The following TMEM114 variants were observed in gnomAD, a reference collection of about 807,000 sequenced individuals.
The protein encoded by TMEM114 is claudin-26.
TMEM114 carries 6 observed loss-of-function variants against 6.2 expected under a neutral mutation model. That is an observed-to-expected ratio of 0.97 (90% confidence interval 0.53 to 1.91). The LOEUF is 1.91. TMEM114 is among the 40% of genes most tolerant of loss of function. The pLI, the probability that TMEM114 is intolerant of heterozygous loss-of-function variation, is 0.01. For missense variants in TMEM114, 218 were observed against 158.3 expected (o/e 1.38, Z -2.02); for synonymous variants, 104 against 73.0 (o/e 1.42, Z -2.16).
chr16:8,570,623 A>G (rs1295195303), intron 3 of TMEM114, among the ~76,000 whole-genome samples: 1 of 152,074 alleles, frequency 6.6e-6, no homozygotes. Flanking sequence ...TGTTTGTGTA[A>G]TTATTTAACT....
intron 2 of TMEM114, among the ~76,000 whole-genome samples, chr16:8,548,098 C>T (rs1278297149): frequency 1.3e-5 from 2 of 152,152 alleles, no homozygotes; most frequent in African/African-American, 2.4e-5. Flanking sequence ...AAGCAAGACC[C>T]TCTGAAAAGC....
At chr16:8,529,512 C>A in the TMEM114 span, among the ~76,000 whole-genome samples, 2 of 152,142 alleles carry the variant, frequency 1.3e-5, no homozygotes, top group Non-Finnish European at 2.9e-5. Flanking sequence ...GTCCTCAGAT[C>A]AGCAGCATCA....
Position 8,562,369 on chromosome 16 carries a change from T to C in TMEM114, n.213-24543A>G, listed in dbSNP as rs531031102. 5.3e-5 allele frequency among the ~76,000 whole-genome samples: 8 copies of C among 150,612 alleles called. No homozygotes were observed. In the South Asian group the frequency reaches 1.5e-3, roughly 28 times the overall value. On this transcript the variant is annotated intron_variant and non_coding_transcript_variant, in intron 2 of 2. Transcript: ENST00000623677. ...GTGAGTGAGTGAATTAGTGAGTGAA[T>C]GAATGAGTGAGTGAGGGAATGAGTG...
chr16:8,533,028 T>A (rs1033446894), downstream of TMEM114, among the ~76,000 whole-genome samples: 3 of 152,186 alleles, frequency 2.0e-5, no homozygotes, highest in African/African-American at 7.2e-5. Context: ...AGGGATATCA[T>A]GATGAACAAC....
At position 8,569,567 on chromosome 16, in the gene TMEM114, C is replaced by G. The variant is rs766222147; in HGVS notation, c.*206G>C. The G allele has an allele frequency of 4.2e-4, 591 of 1,420,564 alleles. 1 individual carries two copies. The highest frequency in any genetic ancestry group is 4.8e-4 in the Non-Finnish European group (525 of 1,090,696). 88.0% of individuals were successfully genotyped at this position (1,420,564 alleles called of 1,614,324 possible). On this transcript the variant is annotated 3_prime_UTR_variant, in exon 4 of 4. Transcript: ENST00000620492. ...CACTCCCTCGGGCTCCTCCAGGCCA[C>G]ACGGACACACACGGACATAAGCACA...
chr16:8,572,550 C>T (rs984893707), intron 2 of TMEM114, among the ~76,000 whole-genome samples: 1 of 152,214 alleles, frequency 6.6e-6, no homozygotes, highest in East Asian at 1.9e-4. Context: ...AACCTTTCAC[C>T]TAAGCTGCCC....
chr16:8,585,219 C>G (rs187238676), intron 2 of TMEM114, among the ~76,000 whole-genome samples: 1 of 152,282 alleles, frequency 6.6e-6, no homozygotes, highest in African/African-American at 2.4e-5. Context: ...ATTCAATTAC[C>G]TCCCACCAGA....
intron 2 of TMEM114, among the ~76,000 whole-genome samples, chr16:8,561,440 A>G (rs1230529497): frequency 6.6e-6 from 1 of 152,210 alleles, no homozygotes; most frequent in African/African-American, 2.4e-5. Context: ...ACTGTCTGTC[A>G]TACCCGTGCA....
downstream of TMEM114, chr16:8,537,514 C>A (rs1296812898): frequency 1.1e-4 from 16 of 151,910 alleles, no homozygotes; most frequent in Non-Finnish European, 2.2e-4. Context: ...AACAAACAAA[C>A]AAACAAAAAA....
intron 2 of TMEM114, among the ~76,000 whole-genome samples, chr16:8,542,592 A>G (rs1391738433): frequency 6.6e-6 from 1 of 152,160 alleles, no homozygotes; most frequent in Non-Finnish European, 1.5e-5. Flanking sequence ...TTGGCTTTAT[A>G]ACGTTCTAAA....
In TMEM114 at chr16:8,589,953, C is replaced by G; in HGVS notation, c.-115G>C. ...CTCCCAGCTCCACCGCCGCCAGAGC[C>G]GCGGAGCTCAGATCTGAAAGCCTTT... On this transcript the variant is annotated 5_prime_UTR_variant, in exon 1 of 4. Transcript: ENST00000620492. The G allele has an allele frequency of 2.6e-6, 1 of 387,430 alleles. No individual in the cohort carries two copies. The highest frequency in any genetic ancestry group is 4.5e-5 in the Admixed American group (1 of 22,324). The allele number at this position is 387,430 out of a possible 1,614,324, so 24.0% of individuals were successfully genotyped here. A position where few individuals can be genotyped will look rare whatever the true frequency, so the allele number is the denominator to read the frequency against.
intron 2 of TMEM114, among the ~76,000 whole-genome samples, chr16:8,539,135 G>A (rs897249863): frequency 6.6e-6 from 1 of 152,024 alleles, no homozygotes; most frequent in African/African-American, 2.4e-5. Context: ...CACAATCTGG[G>A]CATTGCCATG....
At chr16:8,544,445 A>T (rs756087437) in intron 2 of TMEM114, among the ~76,000 whole-genome samples, 1 of 152,176 alleles carries the variant, frequency 6.6e-6, no homozygotes, top group Non-Finnish European at 1.5e-5. Flanking sequence ...CAGGGTCTTA[A>T]TGGATATGTA....
downstream of TMEM114, among the ~76,000 whole-genome samples, chr16:8,536,405 G>A (rs1900361203): frequency 6.6e-6 from 1 of 152,042 alleles, no homozygotes; most frequent in Admixed American, 6.6e-5. Flanking sequence ...AACTTTGAGG[G>A]ACTGAACATC....
In TMEM114 at chr16:8,590,459, G is replaced by A. The variant is rs977478609; in HGVS notation, c.-621C>T. ...TCTTCCCGCAGCTCCTGCTCTGGCC[G>A]GGGCGCAGCTGACCCTCTGAGCCCT... is the stretch of plus-strand genomic sequence containing the variant. On this transcript the variant is annotated 5_prime_UTR_variant, in exon 1 of 4. Transcript: ENST00000620492. Among the ~76,000 whole-genome samples, 1 of 152,144 alleles carries A rather than the reference G, an allele frequency of 6.6e-6. No individual in the cohort carries two copies.
At chr16:8,551,527 C>T (rs1196493203) in intron 2 of TMEM114, among the ~76,000 whole-genome samples, 1 of 152,154 alleles carries the variant, frequency 6.6e-6, no homozygotes, top group Non-Finnish European at 1.5e-5. Flanking sequence ...CAGTTGGCCC[C>T]AAACTCAACT....
At chr16:8,530,528 A>G in the TMEM114 span, among the ~76,000 whole-genome samples, 1 of 151,934 alleles carries the variant, frequency 6.6e-6, no homozygotes, top group South Asian at 2.1e-4. Context: ...GAAAGGAAAG[A>G]AGGAGACAGG....
intron 2 of TMEM114, among the ~76,000 whole-genome samples, chr16:8,581,280 A>T (rs892588665): frequency 4.6e-5 from 7 of 152,218 alleles, no homozygotes; most frequent in African/African-American, 1.4e-4. Context: ...ACTAATATGC[A>T]TTAGTATATT....
intron 2 of TMEM114, among the ~76,000 whole-genome samples, chr16:8,540,964 A>G (rs1767380679): frequency 6.6e-6 from 1 of 152,194 alleles, no homozygotes; most frequent in Non-Finnish European, 1.5e-5. Flanking sequence ...CCTGTGGCAA[A>G]GACATACGCA....
Sources: allele counts gnomAD v4.1 joint callset (sites outside exome capture counted in the v4.1 genomes callset), GRCh38; gene constraint gnomAD v4.1.1; transcripts MANE v1.5; gene names NCBI Gene and HGNC (gene_info 2026-07-23, HGNC 2026-07-21).